Variants in CD247 observed in about 807,000 individuals in gnomAD.
CD247 encodes T-cell surface glycoprotein CD3 zeta chain.
In CD247, 13 loss-of-function variants were observed where a neutral mutation model predicts 30.0. That is an observed-to-expected ratio of 0.43 (90% CI 0.28 to 0.69). CD247 has a LOEUF of 0.69. Ranked by LOEUF, CD247 falls within the 30% of genes least tolerant of loss-of-function variation. CD247 has a pLI of 0.16. For synonymous variants in CD247, 72 were observed against 80.0 expected (o/e 0.90, Z 0.53); for missense variants, 193 against 212.6 (o/e 0.91, Z 0.57).
At chr1:167,516,011 T>G (rs566208784) in intron 1 of CD247, among the ~76,000 whole-genome samples, 2 of 152,356 alleles carry the variant, frequency 1.3e-5, no homozygotes, top group South Asian at 4.1e-4. Context: ...TTAAGTAACT[T>G]GCCTAAGGTT....
chr1:167,481,019 G>C (rs969965388), intron 1 of CD247, among the ~76,000 whole-genome samples: 5 of 152,122 alleles, frequency 3.3e-5, no homozygotes, highest in Non-Finnish European at 7.4e-5. Context: ...GGGTGTGGTG[G>C]CTCTTGCCTG....
chr1:167,491,388 G>C (rs1654443425), intron 1 of CD247, among the ~76,000 whole-genome samples: 1 of 152,150 alleles, frequency 6.6e-6, no homozygotes, highest in Admixed American at 6.5e-5. Context: ...GACCAACATG[G>C]AGAAACCCTG....
chr1:167,511,008 A>G (rs559729590), intron 1 of CD247, among the ~76,000 whole-genome samples: 176 of 152,284 alleles, frequency 1.2e-3, no homozygotes, highest in African/African-American at 3.9e-3. Context: ...CCAGAAAACC[A>G]TCTTTTGCTT....
intron 1 of CD247, among the ~76,000 whole-genome samples, chr1:167,449,452 C>T (rs548128378): frequency 1.3e-5 from 2 of 151,614 alleles, no homozygotes; most frequent in African/African-American, 4.9e-5. Flanking sequence ...CCGAGCCCAG[C>T]CTTTGTGATC....
intron 1 of CD247, among the ~76,000 whole-genome samples, chr1:167,443,084 T>A (rs1308479631): frequency 6.6e-6 from 1 of 152,150 alleles, no homozygotes; most frequent in Non-Finnish European, 1.5e-5. Flanking sequence ...GAAATCAGAC[T>A]GTCCCACCAC....
chr1:167,430,815 C>T lies in CD247; in HGVS notation c.*866G>A, dbSNP rs1651225008. On this transcript the variant is annotated 3_prime_UTR_variant, in exon 8 of 8. Transcript: ENST00000362089. ...GGGTTTTTCCTGTCCTGCCACTGTC[C>T]GCTGGGCAGTTATAGGTCCCATGTG... 1.5e-5 allele frequency: 6 copies of T among 398,732 alleles called. No individual in the cohort carries two copies. The highest frequency in any genetic ancestry group is 3.6e-5 in the East Asian group (1 of 28,076). 24.7% of individuals were successfully genotyped at this position (398,732 alleles called of 1,614,324 possible). A position where few individuals can be genotyped will look rare whatever the true frequency, so the allele number is the denominator to read the frequency against.
intron 1 of CD247, among the ~76,000 whole-genome samples, chr1:167,465,330 T>TC (rs1653195339): frequency 7.0e-6 from 1 of 143,550 alleles, no homozygotes; most frequent in African/African-American, 2.6e-5. Context: ...TCTTTTTCTT[T>TC]TTTTTTTTTT....
At chr1:167,482,191 G>C (rs1010885324) in intron 1 of CD247, among the ~76,000 whole-genome samples, 1 of 152,156 alleles carries the variant, frequency 6.6e-6, no homozygotes, top group Non-Finnish European at 1.5e-5. Context: ...AACACCACCC[G>C]ACTGGAGACA....
In CD247 at chr1:167,439,213, A is replaced by G. The variant is rs35780814; in HGVS notation, c.219+131T>C. ...TGGGTTAGAAAACTGAGGTTAAACA[A>G]GTTGCAGCCGGGTCGCAGAGGTGAT... On this transcript the variant is annotated intron_variant, in intron 3 of 7. Transcript: ENST00000362089. The G allele has an allele frequency of 2.8e-4, 225 of 800,380 alleles. No individual in the cohort carries two copies. The African/African-American group carries it at 3.6e-3, about 13-fold the overall frequency. The allele number at this position is 800,380 out of a possible 1,614,324, so 49.6% of individuals were successfully genotyped here. A position where few individuals can be genotyped will look rare whatever the true frequency, so the allele number is the denominator to read the frequency against.
intron 1 of CD247, among the ~76,000 whole-genome samples, chr1:167,501,053 C>CTTTTTTTTTT (rs569489236): frequency 8.0e-6 from 1 of 124,362 alleles, no homozygotes; most frequent in African/African-American, 3.1e-5. Flanking sequence ...TCCTATTGTT[C>CTTTTTTTTTT]TTTTTTTTTT....
intron 1 of CD247, among the ~76,000 whole-genome samples, chr1:167,453,035 TTATA>T (rs10617707): frequency 2.9e-5 from 3 of 104,954 alleles, no homozygotes; most frequent in African/African-American, 5.9e-5. Context: ...TAGATATATA[TTATA>T]TATATATATA....
At chr1:167,435,818 G>T (rs1320957925) in intron 4 of CD247, among the ~76,000 whole-genome samples, 1 of 152,216 alleles carries the variant, frequency 6.6e-6, no homozygotes, top group African/African-American at 2.4e-5. Flanking sequence ...CCTACTGAAA[G>T]GTGCCCTCCC....
At chr1:167,433,080 TGAGAAAAGGATTA>T in intron 6 of CD247, 21 bp from the exon 7 acceptor site, 1 of 1,613,306 alleles carries the variant, frequency 6.2e-7, no homozygotes, top group Non-Finnish European at 8.5e-7. Flanking sequence ...GGGAGTGAAA[TGAGAAAAGGATTA>T]GAAAGTCAGG....
intron 1 of CD247, among the ~76,000 whole-genome samples, chr1:167,444,812 C>A (rs1651994552): frequency 6.6e-6 from 1 of 152,216 alleles, no homozygotes; most frequent in Non-Finnish European, 1.5e-5. Flanking sequence ...CCTTCTTATA[C>A]ACTGTACTTC....
At position 167,476,593 on chromosome 1, in the gene CD247, C is replaced by T. The variant is rs35566852; in HGVS notation, c.59-35826G>A. On this transcript the variant is annotated intron_variant, in intron 1 of 7. Coordinates refer to ENST00000362089, the MANE Select transcript of CD247 (RefSeq NM_198053.3). Reference sequence around the variant, plus strand: ...ATCCCAGCACTTTGGGAGGCCTAGGCGGGCAGATCTCTTGAGCTGAGAAGT... The same window carrying T: ...ATCCCAGCACTTTGGGAGGCCTAGGTGGGCAGATCTCTTGAGCTGAGAAGT... 6.0e-3 allele frequency among the ~76,000 whole-genome samples: 911 copies of T among 152,232 alleles called. 9 individuals are homozygous for T. Among genetic ancestry groups the T allele is most frequent in the African/African-American group, 0.021 (864 of 41,526 alleles).
At chr1:167,477,887 T>G (rs1434885617) in intron 1 of CD247, among the ~76,000 whole-genome samples, 1 of 152,186 alleles carries the variant, frequency 6.6e-6, no homozygotes, top group Non-Finnish European at 1.5e-5. Context: ...GGAAGCCATA[T>G]GGAGAAATGC....
chr1:167,435,541 GC>G (rs766268461), intron 4 of CD247, 107 bp from the exon 5 acceptor site: 13 of 893,922 alleles, frequency 1.5e-5, no homozygotes, highest in Non-Finnish European at 2.2e-5. Flanking sequence ...CTGGGGCTCT[GC>G]CGTCTGCCTC....
Position 167,438,577 on chromosome 1 carries a change from C to A in CD247, c.293G>T (p.Gly98Val). Residue 98 changes from glycine (G) to valine (V), a missense_variant, in exon 4 of 8, where the codon GGA becomes GTA. Physicochemically the swap from Gly to Val is moderately radical, Grantham distance 109 (BLOSUM62 -3). Coordinates refer to ENST00000362089, the MANE Select transcript of CD247 (RefSeq NM_198053.3). The part of the protein sequence containing the change: ...KRRGRDPEMG[G>V]KPQRRKNPQE... ...AGGTAGAGGAACCCCTACCGGCTTTCCCCCCATCTCAGGGTCCCGGCCACG... is the reference window on the plus strand; with the variant it reads ...AGGTAGAGGAACCCCTACCGGCTTTACCCCCATCTCAGGGTCCCGGCCACG... The A allele has an allele frequency of 6.2e-7, 1 of 1,612,544 alleles. No homozygotes were observed. Among genetic ancestry groups the A allele is most frequent in the South Asian group, 1.1e-5 (1 of 91,052 alleles).
chr1:167,449,321 T>G (rs963022130), intron 1 of CD247, among the ~76,000 whole-genome samples: 2 of 151,528 alleles, frequency 1.3e-5, no homozygotes, highest in African/African-American at 4.9e-5. Context: ...CCTGGCTAAT[T>G]TTTTGTATTT....
Sources: gnomAD v4.1 joint callset for allele counts (sites outside exome capture counted in the v4.1 genomes callset) on GRCh38, gnomAD v4.1.1 for gene constraint, MANE v1.5 for transcripts, NCBI Gene and HGNC (gene_info 2026-07-23, HGNC 2026-07-21) for gene names.